Variants in ROBO2 observed in about 807,000 individuals in gnomAD.
ROBO2 encodes the protein roundabout homolog 2.
ROBO2 carries 53 observed loss-of-function variants against 160.8 expected under a neutral mutation model. That is an observed-to-expected ratio of 0.33 (90% CI 0.26 to 0.41). ROBO2 has a LOEUF of 0.41. Among genes scored for constraint, ROBO2 ranks in the 10% least tolerant of loss-of-function variants. The pLI is 1.00. For synonymous variants in ROBO2, 664 were observed against 611.7 expected (o/e 1.09, Z -1.26); for missense variants, 1,577 against 1,722.4 (o/e 0.92, Z 1.49).
chr3:77,319,960 A>G (rs2064497886), intron 2 of ROBO2, among the ~76,000 whole-genome samples: 1 of 152,192 alleles, frequency 6.6e-6, no homozygotes, highest in African/African-American at 2.4e-5. Flanking sequence ...TATCAGCTGC[A>G]ATTGTATGCC....
chr3:76,523,333 T>G lies in ROBO2; in HGVS notation c.110-574681T>G, dbSNP rs562353000. ...GGCTTTTAATCGACTTTTCCCATTC[T>G]GTCTTTAATTTTATCTCATTTTACC... On this transcript the variant is annotated intron_variant, in intron 2 of 26. Coordinates refer to the ROBO2 transcript ENST00000487694. Among the ~76,000 whole-genome samples, 3 of 152,252 alleles carry G rather than the reference T, an allele frequency of 2.0e-5. No homozygotes were observed. In the East Asian group the frequency reaches 5.8e-4, roughly 29 times the overall value.
At chr3:76,368,070 A>G (rs1219845151) in intron 2 of ROBO2, among the ~76,000 whole-genome samples, 1 of 151,992 alleles carries the variant, frequency 6.6e-6, no homozygotes, top group Admixed American at 6.6e-5. Flanking sequence ...ATTACTATTG[A>G]ATGAAACAAA....
chr3:76,529,142 C>CAAGAG (rs1029305086), intron 2 of ROBO2, among the ~76,000 whole-genome samples: 2 of 152,012 alleles, frequency 1.3e-5, no homozygotes, highest in African/African-American at 4.8e-5. Flanking sequence ...ATAAAACAGA[C>CAAGAG]AAGAGAATAA....
chr3:77,580,637 A>T (rs2093892975), intron 16 of ROBO2, among the ~76,000 whole-genome samples: 1 of 152,132 alleles, frequency 6.6e-6, no homozygotes, highest in Admixed American at 6.6e-5. Flanking sequence ...TGTTCTTGAG[A>T]TGTATATAAA....
At chr3:77,291,085 A>G (rs2061167124) in intron 2 of ROBO2, among the ~76,000 whole-genome samples, 1 of 150,952 alleles carries the variant, frequency 6.6e-6, no homozygotes. Context: ...CGTAAAGTAA[A>G]ATTGACGGGT....
intron 2 of ROBO2, among the ~76,000 whole-genome samples, chr3:75,964,617 T>G (rs1194373257): frequency 2.0e-5 from 3 of 151,658 alleles, no homozygotes; most frequent in African/African-American, 4.8e-5. Context: ...ATGCAGATGC[T>G]TTAGACAACA....
intron 1 of ROBO2, among the ~76,000 whole-genome samples, chr3:75,933,138 C>T (rs1257526084): frequency 1.3e-5 from 2 of 152,104 alleles, no homozygotes; most frequent in Non-Finnish European, 1.5e-5. Flanking sequence ...ACATCTTAAT[C>T]TAAGTTATTA....
intron 2 of ROBO2, among the ~76,000 whole-genome samples, chr3:76,051,929 AT>A (rs1391405193): frequency 1.3e-5 from 2 of 152,078 alleles, no homozygotes; most frequent in African/African-American, 4.8e-5. Flanking sequence ...CCATAATTGA[AT>A]GATCTAAATT....
At chr3:76,763,486 C>T (rs1369404622) in intron 2 of ROBO2, among the ~76,000 whole-genome samples, 2 of 151,676 alleles carry the variant, frequency 1.3e-5, no homozygotes, top group African/African-American at 4.8e-5. Flanking sequence ...TCTATATTTA[C>T]ATCTATTCAC....
intron 2 of ROBO2, among the ~76,000 whole-genome samples, chr3:76,491,201 G>C (rs747136310): frequency 6.6e-6 from 1 of 151,812 alleles, no homozygotes; most frequent in South Asian, 2.1e-4. Flanking sequence ...CTTGTGATCC[G>C]ACCTCCCAAA....
At chr3:77,368,973 G>C (rs185939536) in intron 2 of ROBO2, among the ~76,000 whole-genome samples, 1 of 152,132 alleles carries the variant, frequency 6.6e-6, no homozygotes, top group African/African-American at 2.4e-5. Context: ...ACTTACGGGG[G>C]TGTTAAAATT....
At chr3:76,526,507 A>T (rs1441007220) in intron 2 of ROBO2, among the ~76,000 whole-genome samples, 1 of 151,992 alleles carries the variant, frequency 6.6e-6, no homozygotes, top group Non-Finnish European at 1.5e-5. Flanking sequence ...GTTTTTCAAG[A>T]TTCATTTTAT....
intron 2 of ROBO2, among the ~76,000 whole-genome samples, chr3:76,825,602 C>CGAAAAAA (rs2066505472): frequency 2.8e-5 from 1 of 35,368 alleles, no homozygotes; most frequent in Non-Finnish European, 5.7e-5. Context: ...ATCATCTTAG[C>CGAAAAAA]CAAAAAAAAA....
At chr3:77,584,683 CTCTT>C (rs1391167781) in intron 16 of ROBO2, among the ~76,000 whole-genome samples, 1 of 151,938 alleles carries the variant, frequency 6.6e-6, no homozygotes. Context: ...AAATTGTCTT[CTCTT>C]TCTTAATTAG....
At chr3:76,804,606 A>C (rs2064523778) in intron 2 of ROBO2, among the ~76,000 whole-genome samples, 1 of 152,188 alleles carries the variant, frequency 6.6e-6, no homozygotes, top group African/African-American at 2.4e-5. Flanking sequence ...ACAGTCCCTA[A>C]ATTTGAATGC....
At position 76,036,428 on chromosome 3, in the gene ROBO2, G is replaced by A. The variant is rs193296344; in HGVS notation, c.109+98826G>A. On this transcript the variant is annotated intron_variant, in intron 2 of 26. Coordinates refer to the ROBO2 transcript ENST00000487694. ...GCCTCCCAAAGTGCTGGGATTACAG[G>A]CGTGAGCCAATGCGCCAGGCTGGTT... Among the ~76,000 whole-genome samples the A allele has an allele frequency of 1.5e-4, 23 of 151,884 alleles. No homozygotes were observed. The East Asian group carries it at 4.5e-3, about 29-fold the overall frequency.
intron 2 of ROBO2, among the ~76,000 whole-genome samples, chr3:76,310,925 C>T (rs962560246): frequency 6.6e-6 from 1 of 152,196 alleles, no homozygotes; most frequent in Admixed American, 6.5e-5. Context: ...ACAACTGCTT[C>T]TCATCTTTTT....
chr3:77,392,482 C>T (rs1020482832), intron 2 of ROBO2, among the ~76,000 whole-genome samples: 1 of 152,196 alleles, frequency 6.6e-6, no homozygotes, highest in African/African-American at 2.4e-5. Context: ...GCCTGACTCT[C>T]GTTTCCATCT....
intron 2 of ROBO2, among the ~76,000 whole-genome samples, chr3:76,073,037 AT>A (rs1168902373): frequency 6.6e-6 from 1 of 151,932 alleles, no homozygotes; most frequent in Non-Finnish European, 1.5e-5. Context: ...GTTTTATTTT[AT>A]TTTGTCCCTA....
Sources: allele counts gnomAD v4.1 joint callset (sites outside exome capture counted in the v4.1 genomes callset), GRCh38; gene constraint gnomAD v4.1.1; transcripts MANE v1.5; gene names NCBI Gene and HGNC (gene_info 2026-07-23, HGNC 2026-07-21).